The following DDB2 variants were observed in gnomAD, a reference collection of about 807,000 sequenced individuals.
DDB2 encodes the protein DNA damage-binding protein 2.
In DDB2, 27 loss-of-function variants were observed where a neutral mutation model predicts 50.5. The ratio of observed to expected loss-of-function variants is 0.53; its 90% CI spans 0.39 to 0.74. DDB2 has a LOEUF of 0.74. DDB2 is among the 30% of genes least tolerant of loss of function. DDB2 has a pLI of 0.00. For missense variants in DDB2, 424 were observed against 545.6 expected, an observed-to-expected ratio of 0.78 and a Z score of 2.22; for synonymous variants, 176 against 205.5, an observed-to-expected ratio of 0.86 and a Z score of 1.23.
chr11:47,215,303 AG>A (rs1953384636), intron 1 of DDB2, 40 bp downstream of exon 1: 4 of 1,612,778 alleles, frequency 2.5e-6, no homozygotes, highest in Non-Finnish European at 3.4e-6. Flanking sequence ...TCCGCCTTTT[AG>A]GGTGCTCGCG....
intron 1 of DDB2, 176 bp downstream of exon 1, chr11:47,215,439 C>A: frequency 1.2e-6 from 1 of 805,214 alleles, no homozygotes; most frequent in Non-Finnish European, 2.0e-6. Flanking sequence ...TTCAACACCT[C>A]TCCCGCTAGG....
chr11:47,238,317 A>C, intron 9 of DDB2, 134 bp downstream of exon 9: 1 of 818,210 alleles, frequency 1.2e-6, no homozygotes, highest in Non-Finnish European at 2.1e-6. Context: ...GCTGGGAGAC[A>C]GTGGTCTCTA....
intron 3 of DDB2, among the ~76,000 whole-genome samples, chr11:47,221,334 T>G (rs1451618362): frequency 6.6e-6 from 1 of 151,078 alleles, no homozygotes. Flanking sequence ...AGTGCAGTGG[T>G]GCGATCTCAC....
chr11:47,215,380 C>A, intron 1 of DDB2, 117 bp downstream of exon 1: 1 of 1,509,180 alleles, frequency 6.6e-7, no homozygotes, highest in Admixed American at 1.7e-5. Context: ...ACGGGTGCCT[C>A]CGGCTGTGCA....
At chr11:47,221,466 A>G (rs1326918034) in intron 3 of DDB2, among the ~76,000 whole-genome samples, 4 of 150,970 alleles carry the variant, frequency 2.6e-5, no homozygotes, top group Non-Finnish European at 4.4e-5. Context: ...TTTTTTTAAG[A>G]CAGAGTTTCA....
intron 3 of DDB2, among the ~76,000 whole-genome samples, chr11:47,224,338 C>T (rs1288528811): frequency 6.6e-6 from 1 of 152,054 alleles, no homozygotes; most frequent in East Asian, 1.9e-4. Context: ...AGCGATTCTC[C>T]CTGCCTCAGC....
intron 7 of DDB2, chr11:47,235,712 T>C: frequency 2.1e-6 from 1 of 472,692 alleles, no homozygotes; most frequent in Non-Finnish European, 3.9e-6. Context: ...TCTTCTCAGC[T>C]TCAGTTACCT....
chr11:47,229,818 C>CTTTTTTTTTTTTTT (rs11376360), intron 3 of DDB2: 5 of 329,654 alleles, frequency 1.5e-5, no homozygotes, highest in Non-Finnish European at 2.3e-5. Context: ...GATGGCTCTT[C>CTTTTTTTTTTTTTT]TTTTTTTTTT....
At position 47,217,032 on chromosome 11, in the gene DDB2, C is replaced by A; in HGVS notation, c.439C>A (p.Pro147Thr). The change falls in exon 3 of 10, where the codon CCC becomes ACC. Residue 147 changes from proline to threonine, a missense_variant. Pro to Thr is a conservative substitution (Grantham distance 38, BLOSUM62 -1). Transcript: ENST00000256996. ...CTGGAATTTTGGCATCAAGGACAAA[C>A]CCACCTTCATCAAAGGGGTGAGCAG... Reference protein sequence around the residue: ...MLWNFGIKDKPTFIKGIGAGG... With the variant: ...MLWNFGIKDKTTFIKGIGAGG... The A allele has an allele frequency of 6.2e-7, 1 of 1,614,038 alleles. No homozygotes were observed.
chr11:47,233,254 A>G, intron 4 of DDB2: 1 of 451,808 alleles, frequency 2.2e-6, no homozygotes, highest in South Asian at 2.1e-5. Context: ...GGACCCAGAA[A>G]GCCACCTAGA....
chr11:47,226,499 C>G (rs2633082), intron 3 of DDB2, among the ~76,000 whole-genome samples: 104,933 of 151,716 alleles, frequency 0.69, 37,698 homozygotes, highest in Middle Eastern at 0.82. Flanking sequence ...TCTTGAACTC[C>G]CGACCTCAGG....
intron 3 of DDB2, among the ~76,000 whole-genome samples, chr11:47,218,596 T>C (rs1953433693): frequency 6.6e-6 from 1 of 152,206 alleles, no homozygotes; most frequent in African/African-American, 2.4e-5. Context: ...GAGTTTATCA[T>C]CCATTGCTGA....
At position 47,238,926 on chromosome 11, in the gene DDB2, C is replaced by A; in HGVS notation, c.*77C>A. ...GATCAAGTCCTGCAAGCAGAGGTGGCGATTTGTTAAAGGGCCAAAAGTATC... is the reference window on the plus strand; with the variant it reads ...GATCAAGTCCTGCAAGCAGAGGTGGAGATTTGTTAAAGGGCCAAAAGTATC... On this transcript the variant is annotated 3_prime_UTR_variant, in exon 10 of 10. Transcript: ENST00000256996. The A allele has an allele frequency of 6.5e-7, 1 of 1,532,246 alleles. No individual in the cohort carries two copies. Among genetic ancestry groups the A allele is most frequent in the Non-Finnish European group, 9.0e-7 (1 of 1,114,328 alleles). The allele number at this position is 1,532,246 out of a possible 1,614,324, so 94.9% of individuals were successfully genotyped here. A position where few individuals can be genotyped will look rare whatever the true frequency, so the allele number is the denominator to read the frequency against.
chr11:47,224,912 C>T (rs892457318), intron 3 of DDB2, among the ~76,000 whole-genome samples: 1 of 151,596 alleles, frequency 6.6e-6, no homozygotes, highest in African/African-American at 2.4e-5. Context: ...TTCATGTCTT[C>T]CATTTCTCTC....
At chr11:47,232,292 C>T (rs1953659649) in intron 3 of DDB2, among the ~76,000 whole-genome samples, 2 of 151,132 alleles carry the variant, frequency 1.3e-5, no homozygotes, top group Admixed American at 6.6e-5. Flanking sequence ...TGCAGTGAGC[C>T]GAGGTCGTGA....
intron 3 of DDB2, among the ~76,000 whole-genome samples, chr11:47,223,642 C>T (rs4647721): frequency 2.0e-5 from 3 of 151,052 alleles, no homozygotes; most frequent in Non-Finnish European, 4.4e-5. Flanking sequence ...ATTAGCCAGG[C>T]GTGGTGGTGG....
chr11:47,232,772 A>G, intron 3 of DDB2, 42 bp from the exon 4 acceptor site: 1 of 1,611,790 alleles, frequency 6.2e-7, no homozygotes, highest in Admixed American at 1.7e-5. Flanking sequence ...CCTCACGGCC[A>G]GGCCCATCAT....
At chr11:47,214,686 G>T (rs2135482386), upstream of DDB2, 1 of 244,546 alleles carries the variant, frequency 4.1e-6, no homozygotes, top group Non-Finnish European at 8.2e-6. Context: ...TGGGAGGATC[G>T]CTTGAGCCCA....
intron 1 of DDB2, 119 bp from the exon 2 acceptor site, chr11:47,216,217 C>T (rs1008616942): frequency 6.8e-6 from 10 of 1,466,358 alleles, no homozygotes; most frequent in Non-Finnish European, 9.5e-6. Flanking sequence ...GGAAAGGCCG[C>T]AGGAGGTGAT....
Sources: allele counts gnomAD v4.1 joint callset (sites outside exome capture counted in the v4.1 genomes callset), GRCh38; gene constraint gnomAD v4.1.1; transcripts MANE v1.5; gene names NCBI Gene and HGNC (gene_info 2026-07-23, HGNC 2026-07-21).